The following COLGALT2 variants were observed in gnomAD, a reference collection of about 807,000 sequenced individuals.
The protein encoded by COLGALT2 is collagen beta(1-O)galactosyltransferase 2.
Under a neutral mutation model 73.4 loss-of-function variants are expected in COLGALT2, and 49 were observed. The observed-to-expected ratio is 0.67, with a 90% CI of 0.53 to 0.85. The LOEUF (loss-of-function observed/expected upper bound fraction) is 0.85, where lower values mean the gene tolerates loss of function less well. Among genes scored for constraint, COLGALT2 ranks in the 40% least tolerant of loss-of-function variants. The probability of loss-of-function intolerance (pLI) is 0.00; values close to 1 mark genes in which losing one functional copy is unlikely to be tolerated. For missense variants in COLGALT2, 722 were observed against 790.2 expected (o/e 0.91, Z 1.03); for synonymous variants, 295 against 307.6 (o/e 0.96, Z 0.43).
Position 184,013,749 on chromosome 1 carries a change from G to T in COLGALT2, c.263+23346C>A, listed in dbSNP as rs1052090075. On this transcript the variant is annotated intron_variant, in intron 1 of 11. Coordinates refer to ENST00000361927, the MANE Select transcript of COLGALT2 (RefSeq NM_015101.4). ...TGTATAATGGATGAATTGGTGGGAG[G>T]GGGGGTAAAACAGAGGGGCAGAGCA... Among the ~76,000 whole-genome samples, 6 of 126,044 alleles carry T rather than the reference G, an allele frequency of 4.8e-5. No homozygotes were observed. The East Asian group carries it at 8.0e-4, about 17-fold the overall frequency. 82.7% of individuals were successfully genotyped at this position (126,044 alleles called of 152,430 possible).
intron 6 of COLGALT2, among the ~76,000 whole-genome samples, chr1:183,956,480 C>T (rs1270486654): frequency 1.3e-5 from 2 of 152,134 alleles, no homozygotes; most frequent in Admixed American, 6.5e-5. Flanking sequence ...ACCAGGTACA[C>T]GGTTAGGTTT....
chr1:183,939,517 G>A (rs898525806), intron 11 of COLGALT2, among the ~76,000 whole-genome samples: 5 of 152,236 alleles, frequency 3.3e-5, no homozygotes, highest in East Asian at 1.9e-4. Context: ...GGAGACGGAT[G>A]ACTTGGCCTC....
At chr1:184,030,622 C>T (rs1452173407) in intron 1 of COLGALT2, among the ~76,000 whole-genome samples, 1 of 152,162 alleles carries the variant, frequency 6.6e-6, no homozygotes, top group Admixed American at 6.5e-5. Flanking sequence ...AGTTACAAGG[C>T]ATTCATTGTT....
chr1:184,015,057 G>A (rs959347564), intron 1 of COLGALT2, among the ~76,000 whole-genome samples: 1 of 151,880 alleles, frequency 6.6e-6, no homozygotes, highest in Non-Finnish European at 1.5e-5. Context: ...ACTAGAGACT[G>A]CAGGAGGATG....
Position 183,936,818 on chromosome 1 carries a change from T to C in COLGALT2, c.*1943A>G. 1.6e-6 allele frequency: 2 copies of C among 1,231,656 alleles called. No individual in the cohort carries two copies. Among genetic ancestry groups the C allele is most frequent in the Non-Finnish European group, 2.0e-6 (2 of 987,946 alleles). The allele number at this position is 1,231,656 out of a possible 1,614,324, so 76.3% of individuals were successfully genotyped here. A position where few individuals can be genotyped will look rare whatever the true frequency, so the allele number is the denominator to read the frequency against. ...CAATTTAGAGTTGGGTGAGTTCCCTTTCCTCCAGCGGCCTAGCTTGCTGGT... is the reference window on the plus strand; with the variant it reads ...CAATTTAGAGTTGGGTGAGTTCCCTCTCCTCCAGCGGCCTAGCTTGCTGGT... On this transcript the variant is annotated 3_prime_UTR_variant, in exon 12 of 12. Coordinates refer to ENST00000361927, the MANE Select transcript of COLGALT2 (RefSeq NM_015101.4).
intron 1 of COLGALT2, among the ~76,000 whole-genome samples, chr1:183,987,192 T>A (rs1050935752): frequency 2.6e-5 from 4 of 152,182 alleles, no homozygotes; most frequent in African/African-American, 9.7e-5. Context: ...AAGACAAATA[T>A]GTTTCTCATT....
chr1:183,991,108 G>A (rs745812668), intron 1 of COLGALT2, among the ~76,000 whole-genome samples: 10 of 152,196 alleles, frequency 6.6e-5, no homozygotes, highest in Non-Finnish European at 1.3e-4. Context: ...TGCGAAAGGT[G>A]TGATTTCTAA....
chr1:183,977,482 A>C, intron 2 of COLGALT2, among the ~76,000 whole-genome samples: 1 of 150,690 alleles, frequency 6.6e-6, no homozygotes, highest in East Asian at 2.0e-4. Flanking sequence ...AAAAAAAAAA[A>C]AAAGAAAGAA....
At chr1:183,996,095 A>G (rs752838078) in intron 1 of COLGALT2, among the ~76,000 whole-genome samples, 7 of 152,158 alleles carry the variant, frequency 4.6e-5, no homozygotes, top group Non-Finnish European at 1.0e-4. Flanking sequence ...TTGACCTCCA[A>G]TGCCTTGTAC....
At chr1:183,951,925 C>A (rs1331687238) in intron 7 of COLGALT2, among the ~76,000 whole-genome samples, 1 of 152,190 alleles carries the variant, frequency 6.6e-6, no homozygotes, top group African/African-American at 2.4e-5. Flanking sequence ...TGAGGCAGCA[C>A]ACTACCTGCC....
intron 1 of COLGALT2, among the ~76,000 whole-genome samples, chr1:184,036,052 C>T (rs890492248): frequency 3.3e-5 from 5 of 152,182 alleles, no homozygotes; most frequent in Non-Finnish European, 7.4e-5. Context: ...GAACAGCTCC[C>T]TTTATCAACA....
chr1:183,955,280 T>C (rs1007007539), intron 6 of COLGALT2, among the ~76,000 whole-genome samples: 3 of 152,218 alleles, frequency 2.0e-5, no homozygotes. Context: ...TGCAAAGCAC[T>C]CACCACTTTA....
chr1:183,974,898 G>T (rs139818769), intron 3 of COLGALT2, among the ~76,000 whole-genome samples, 199 bp downstream of exon 3: 2 of 152,314 alleles, frequency 1.3e-5, no homozygotes, highest in African/African-American at 4.8e-5. Context: ...CACTGAAAAT[G>T]CATGTGGGCC....
In COLGALT2 at chr1:183,944,265, T is replaced by C; in HGVS notation, c.1328A>G (p.His443Arg). The C allele has an allele frequency of 6.2e-7, 1 of 1,614,108 alleles. No individual in the cohort carries two copies. The highest frequency in any genetic ancestry group is 8.5e-7 in the Non-Finnish European group (1 of 1,180,000). The change falls in exon 10 of 12, where the codon CAT becomes CGT. Residue 443 changes from histidine (H) to arginine (R), a missense_variant. His to Arg is a conservative substitution (Grantham distance 29). Coordinates refer to ENST00000361927, the MANE Select transcript of COLGALT2 (RefSeq NM_015101.4). The stretch of plus-strand genomic sequence containing the variant: ...CTTCATCAGCTTCTTCTTAAACTGA[T>C]GCTCAAAACGCACATCGTCTTCAAT... ...LVIEDDVRFEHQFKKKLMKLM... is the reference protein window; with the variant it reads ...LVIEDDVRFERQFKKKLMKLM...
intron 1 of COLGALT2, among the ~76,000 whole-genome samples, chr1:183,980,828 A>G (rs948905593): frequency 1.3e-5 from 2 of 152,182 alleles, no homozygotes; most frequent in African/African-American, 4.8e-5. Flanking sequence ...AAGTATTAGC[A>G]AACAGAGTCC....
At chr1:183,948,021 A>C in intron 8 of COLGALT2, among the ~76,000 whole-genome samples, 1 of 152,130 alleles carries the variant, frequency 6.6e-6, no homozygotes, top group East Asian at 1.9e-4. Flanking sequence ...AGGAAGGTAC[A>C]AACTACCAAA....
chr1:183,987,959 G>T (rs1045779939), intron 1 of COLGALT2, among the ~76,000 whole-genome samples: 5 of 152,084 alleles, frequency 3.3e-5, no homozygotes, highest in African/African-American at 4.8e-5. Flanking sequence ...TTCCACCCTG[G>T]CAGGAGGTCT....
intron 2 of COLGALT2, among the ~76,000 whole-genome samples, chr1:183,976,802 A>C (rs984626968): frequency 6.6e-6 from 1 of 152,228 alleles, no homozygotes; most frequent in African/African-American, 2.4e-5. Context: ...AAAAAGGATG[A>C]CATAGAATAT....
intron 4 of COLGALT2, among the ~76,000 whole-genome samples, chr1:183,971,727 A>G (rs1671041976): frequency 6.6e-6 from 1 of 152,254 alleles, no homozygotes; most frequent in African/African-American, 2.4e-5. Flanking sequence ...ACTGGACCAC[A>G]CATTGTTAAA....
Sources: gnomAD v4.1 joint callset for allele counts (sites outside exome capture counted in the v4.1 genomes callset) on GRCh38, gnomAD v4.1.1 for gene constraint, MANE v1.5 for transcripts, NCBI Gene and HGNC (gene_info 2026-07-23, HGNC 2026-07-21) for gene names.